The following CEP164 variants were observed in gnomAD, a reference collection of about 807,000 sequenced individuals.
CEP164 encodes the protein centrosomal protein of 164 kDa.
Under a neutral mutation model 182.7 loss-of-function variants are expected in CEP164, and 162 were observed. The ratio of observed to expected loss-of-function variants is 0.89; its 90% confidence interval spans 0.78 to 1.01. The LOEUF (loss-of-function observed/expected upper bound fraction) is 1.01. CEP164 is among the 50% of genes least tolerant of loss of function. CEP164 has a pLI of 0.00. For synonymous variants in CEP164, 661 were observed against 690.0 expected, an observed-to-expected ratio of 0.96 and a Z score of 0.66; for missense variants, 1,735 against 1,790.4, an observed-to-expected ratio of 0.97 and a Z score of 0.56.
intron 19 of CEP164, 125 bp downstream of exon 19, chr11:117,392,752 CTAGTTCCCTTTTTATGCCT>C (rs1362659479): frequency 7.2e-7 from 1 of 1,384,864 alleles, no homozygotes; most frequent in Non-Finnish European, 9.8e-7. Context: ...GTTAGCATTT[CTAGTTCCCTTTTTATGCCT>C]TAGTTCCCTT....
chr11:117,398,805 C>T lies in CEP164; in HGVS notation c.3501+1492C>T, dbSNP rs200948996. On this transcript the variant is annotated intron_variant, in intron 27 of 32. Transcript: ENST00000278935. ...GCATGGGGACCCTGGGCCTGGCCCA[C>T]GAAACCATTTTTTCCTCCTAGGCCT... 7.0e-4 allele frequency among the ~76,000 whole-genome samples: 107 copies of T among 152,266 alleles called. No homozygotes were observed. In the East Asian group the frequency reaches 0.013, roughly 18 times the overall value.
chr11:117,344,325 A>C, intron 4 of CEP164, 48 bp downstream of exon 4: 1 of 1,298,842 alleles, frequency 7.7e-7, no homozygotes, highest in Non-Finnish European at 1.1e-6. Flanking sequence ...GCAGAGGCAG[A>C]GGGAAGCTAA....
chr11:117,331,083 G>C (rs1420324237), intron 1 of CEP164, among the ~76,000 whole-genome samples: 1 of 152,212 alleles, frequency 6.6e-6, no homozygotes, highest in African/African-American at 2.4e-5. Flanking sequence ...CAGGGTGGAA[G>C]AAATAAATAT....
In CEP164 at chr11:117,344,314, A is replaced by AGCAGAG. The variant is rs761196031; in HGVS notation, c.194+45_194+50dup. 29 of 1,423,464 alleles carry AGCAGAG rather than the reference A, an allele frequency of 2.0e-5. No individual in the cohort carries two copies. The African/African-American group carries it at 4.1e-4, about 20-fold the overall frequency. 88.2% of individuals were successfully genotyped at this position (1,423,464 alleles called of 1,614,324 possible). On this transcript the variant is annotated intron_variant, in intron 4 of 32. Coordinates refer to ENST00000278935, the MANE Select transcript of CEP164 (RefSeq NM_014956.5). ...GGGGGTGCGGCCACTGACTTGGCCT[A>AGCAGAG]GCAGAGGCAGAGGGAAGCTAATACT... is the stretch of plus-strand genomic sequence containing the variant.
chr11:117,358,907 C>T (rs963470612), intron 5 of CEP164, among the ~76,000 whole-genome samples: 9 of 151,602 alleles, frequency 5.9e-5, no homozygotes, highest in Admixed American at 2.0e-4. Flanking sequence ...GTTCCAATCC[C>T]ATCTCTGCCC....
chr11:117,412,364 A>G lies in CEP164; in HGVS notation c.*196A>G, dbSNP rs1433733782. 4 of 514,754 alleles carry G rather than the reference A, an allele frequency of 7.8e-6. No individual in the cohort carries two copies. Among genetic ancestry groups the G allele is most frequent in the Non-Finnish European group, 1.4e-5 (4 of 289,614 alleles). 31.9% of individuals were successfully genotyped at this position (514,754 alleles called of 1,614,324 possible). A position where few individuals can be genotyped will look rare whatever the true frequency, so the allele number is the denominator to read the frequency against. On this transcript the variant is annotated 3_prime_UTR_variant, in exon 33 of 33. Transcript: ENST00000278935. ...ACTATATAACCTATCTCAGGCTAAA[A>G]TGTGTGGACTCGTACGAGCTCTTGT...
intron 27 of CEP164, among the ~76,000 whole-genome samples, chr11:117,402,021 A>C (rs1161482600): frequency 6.6e-6 from 1 of 151,286 alleles, no homozygotes; most frequent in African/African-American, 2.4e-5. Flanking sequence ...CTAACTTTTG[A>C]ATTTGTTTCT....
intron 1 of CEP164, among the ~76,000 whole-genome samples, chr11:117,322,345 G>C (rs1179380368): frequency 1.3e-5 from 2 of 152,034 alleles, no homozygotes; most frequent in Non-Finnish European, 2.9e-5. Context: ...TCGATCTCCT[G>C]ACCTCATGAT....
At chr11:117,361,717 C>T (rs947103111) in intron 5 of CEP164, 118 bp from the exon 6 acceptor site, 19 of 972,612 alleles carry the variant, frequency 2.0e-5, no homozygotes, top group Middle Eastern at 3.2e-4. Flanking sequence ...AGCCTCTGAG[C>T]GGAGGTGGTT....
intron 11 of CEP164, among the ~76,000 whole-genome samples, chr11:117,377,366 G>A (rs1421360352): frequency 6.6e-6 from 1 of 152,182 alleles, no homozygotes; most frequent in East Asian, 1.9e-4. Context: ...TTCACCCCCT[G>A]CTCTGTGGCC....
In CEP164 at chr11:117,405,857, C is replaced by T. The variant is rs1016625925; in HGVS notation, c.3502-2068C>T. On this transcript the variant is annotated intron_variant, in intron 27 of 32. Transcript: ENST00000278935. ...TTTGCTAAAACATAACAAGAGTCACCTTTGCTCCAGTTCCCAACAAGTTCC... is the reference window on the plus strand; with the variant it reads ...TTTGCTAAAACATAACAAGAGTCACTTTTGCTCCAGTTCCCAACAAGTTCC... Among the ~76,000 whole-genome samples the T allele has an allele frequency of 3.0e-4, 45 of 152,312 alleles. 3 individuals carry two copies. Among genetic ancestry groups the T allele is most frequent in the African/African-American group, 1.1e-3 (45 of 41,570 alleles).
intron 11 of CEP164, 85 bp downstream of exon 11, chr11:117,375,876 A>G: frequency 8.5e-7 from 1 of 1,182,418 alleles, no homozygotes; most frequent in Non-Finnish European, 1.3e-6. Flanking sequence ...AGCCCTGCCC[A>G]TCACAGGGTG....
chr11:117,377,093 C>T (rs1173557889), intron 11 of CEP164, among the ~76,000 whole-genome samples: 3 of 152,172 alleles, frequency 2.0e-5, no homozygotes, highest in African/African-American at 7.2e-5. Context: ...GAAGTGCAGC[C>T]TCCTGAGGTG....
At chr11:117,372,317 C>A (rs2042289092) in intron 9 of CEP164, among the ~76,000 whole-genome samples, 2 of 152,104 alleles carry the variant, frequency 1.3e-5, no homozygotes, top group South Asian at 4.1e-4. Context: ...CCATGTTGCC[C>A]AGGCTGATCT....
rs147988387 is a variant in CEP164 at position 117,351,910 on chromosome 11, T to C, written c.315T>C (p.Thr105=). Residue 105 remains threonine, a synonymous_variant, in exon 5 of 33, where the codon ACT becomes ACC. Coordinates refer to ENST00000278935, the MANE Select transcript of CEP164 (RefSeq NM_014956.5). ...TCCAAGAGCGGGCAAAGCTGTCAAC[T>C]TCTGGGGCCATTAAGAAGAAGAAAA... ...LVIQERAKLS[T]SGAIKKKKKK... The C allele has an allele frequency of 5.0e-5, 80 of 1,613,396 alleles. No homozygotes were observed. The African/African-American group carries it at 7.4e-4, about 15-fold the overall frequency.
At chr11:117,379,355 G>T (rs1046736289) in intron 11 of CEP164, among the ~76,000 whole-genome samples, 5 of 152,204 alleles carry the variant, frequency 3.3e-5, no homozygotes, top group African/African-American at 1.2e-4. Flanking sequence ...AGAGGTATGG[G>T]GGCTGTGGGC....
At chr11:117,353,128 A>G (rs2039871156) in intron 5 of CEP164, among the ~76,000 whole-genome samples, 1 of 152,094 alleles carries the variant, frequency 6.6e-6, no homozygotes, top group Non-Finnish European at 1.5e-5. Context: ...AGGGAGGGAC[A>G]TAGGAACTCA....
chr11:117,392,858 C>G (rs1357877096), intron 19 of CEP164, 146 bp from the exon 20 acceptor site: 25 of 1,326,328 alleles, frequency 1.9e-5, no homozygotes, highest in Non-Finnish European at 2.5e-5. Context: ...TGTGTGCTGA[C>G]CATGGTGTCA....
chr11:117,389,779 A>C (rs1244255450), intron 15 of CEP164, among the ~76,000 whole-genome samples: 2 of 152,084 alleles, frequency 1.3e-5, no homozygotes, highest in Non-Finnish European at 2.9e-5. Flanking sequence ...GACTCAGCTG[A>C]TGTGGCTAGA....
Sources: allele counts gnomAD v4.1 joint callset (sites outside exome capture counted in the v4.1 genomes callset), GRCh38; gene constraint gnomAD v4.1.1; transcripts MANE v1.5; gene names NCBI Gene and HGNC (gene_info 2026-07-23, HGNC 2026-07-21).